Variants in CNTN4 observed in about 807,000 individuals in gnomAD.
CNTN4 encodes the protein contactin 4, also known as contactin-4.
In CNTN4, 77 loss-of-function variants were observed where a neutral mutation model predicts 122.5. That is an observed-to-expected ratio of 0.63 (90% CI 0.52 to 0.76). The LOEUF (loss-of-function observed/expected upper bound fraction) is 0.76. CNTN4 is among the 30% of genes least tolerant of loss of function. The probability of loss-of-function intolerance (pLI) is 0.00; values close to 1 mark genes in which losing one functional copy is unlikely to be tolerated. For synonymous variants in CNTN4, 512 were observed against 447.0 expected, an observed-to-expected ratio of 1.15 and a Z score of -1.83; for missense variants, 1,256 against 1,259.1, an observed-to-expected ratio of 1.00 and a Z score of 0.04.
intron 2 of CNTN4, among the ~76,000 whole-genome samples, chr3:2,261,323 A>G (rs942742259): frequency 1.3e-5 from 2 of 152,178 alleles, no homozygotes; most frequent in African/African-American, 4.8e-5. Flanking sequence ...TGGTTTCTCT[A>G]TTACTTACAG....
chr3:2,620,218 G>A (rs1051133531), intron 4 of CNTN4, among the ~76,000 whole-genome samples: 1 of 152,184 alleles, frequency 6.6e-6, no homozygotes, highest in African/African-American at 2.4e-5. Flanking sequence ...TAGGCATTCA[G>A]GCTGGAGGCA....
At chr3:2,172,480 A>T (rs1454249750) in intron 2 of CNTN4, among the ~76,000 whole-genome samples, 2 of 152,122 alleles carry the variant, frequency 1.3e-5, no homozygotes, top group African/African-American at 4.8e-5. Context: ...GCTGCAACAA[A>T]ATCCCGGAAA....
intron 2 of CNTN4, among the ~76,000 whole-genome samples, chr3:2,218,939 T>C (rs544706559): frequency 6.6e-6 from 1 of 152,306 alleles, no homozygotes; most frequent in Non-Finnish European, 1.5e-5. Context: ...GCATGTGAGA[T>C]GTGAGGAGCA....
intron 13 of CNTN4, among the ~76,000 whole-genome samples, chr3:2,960,641 T>C (rs924817097): frequency 6.6e-6 from 1 of 152,192 alleles, no homozygotes; most frequent in Non-Finnish European, 1.5e-5. Context: ...AAGTTCATTA[T>C]ATGAAAAACG....
chr3:2,257,846 G>A (rs999496559), intron 2 of CNTN4, among the ~76,000 whole-genome samples: 3 of 152,016 alleles, frequency 2.0e-5, no homozygotes, highest in Admixed American at 6.6e-5. Context: ...GGCCGATCAC[G>A]AGGTCAGGAG....
chr3:2,107,475 G>A (rs56296994), intron 2 of CNTN4, among the ~76,000 whole-genome samples: 285 of 151,922 alleles, frequency 1.9e-3, no homozygotes, highest in Non-Finnish European at 3.4e-3. Context: ...CTTATAAAAC[G>A]ATCAGATCTC....
intron 3 of CNTN4, among the ~76,000 whole-genome samples, chr3:2,505,576 G>A (rs1212314063): frequency 6.6e-6 from 1 of 152,118 alleles, no homozygotes; most frequent in African/African-American, 2.4e-5. Context: ...AAATTGCAAA[G>A]ACCTACATAA....
At chr3:2,594,057 T>G (rs1001229700) in intron 4 of CNTN4, among the ~76,000 whole-genome samples, 8 of 152,162 alleles carry the variant, frequency 5.3e-5, no homozygotes, top group Non-Finnish European at 1.2e-4. Context: ...GCATGAAAAT[T>G]TGCCTGCCTG....
chr3:2,528,466 A>G (rs1343874503), intron 3 of CNTN4, among the ~76,000 whole-genome samples: 1 of 152,174 alleles, frequency 6.6e-6, no homozygotes, highest in South Asian at 2.1e-4. Flanking sequence ...AAACAACTAG[A>G]TGCTAAAATA....
At chr3:2,567,103 T>C (rs552522236) in intron 3 of CNTN4, among the ~76,000 whole-genome samples, 1 of 147,280 alleles carries the variant, frequency 6.8e-6, no homozygotes, top group Non-Finnish European at 1.5e-5. Flanking sequence ...TTTCTTTTTT[T>C]CAGACGGAGT....
chr3:2,730,130 G>T (rs1576595145), intron 4 of CNTN4, among the ~76,000 whole-genome samples: 1 of 152,020 alleles, frequency 6.6e-6, no homozygotes, highest in African/African-American at 2.4e-5. Context: ...GTTTTTTGTG[G>T]GGGGTGGCAG....
intron 13 of CNTN4, among the ~76,000 whole-genome samples, chr3:2,955,518 A>G (rs2094790559): frequency 6.6e-6 from 1 of 152,232 alleles, no homozygotes; most frequent in African/African-American, 2.4e-5. Context: ...CCAGAAGGAC[A>G]GAGTGAGAAT....
chr3:2,568,971 C>G (rs575636159), intron 3 of CNTN4, among the ~76,000 whole-genome samples: 8 of 152,272 alleles, frequency 5.3e-5, no homozygotes, highest in South Asian at 2.1e-4. Context: ...TGACATTTCT[C>G]TCACAAAATT....
rs180986605 is a variant in CNTN4, at chr3:2,427,377, C to A, written c.-89+88144C>A. The stretch of plus-strand genomic sequence containing the variant: ...GTTGCTCAGTTTCCATGTAGTTGAG[C>A]AGTTTTGAGTGAGTTTCTTAATCCT... On this transcript the variant is annotated intron_variant, in intron 3 of 24. Coordinates refer to ENST00000418658, the MANE Select transcript of CNTN4 (RefSeq NM_175607.3). Among the ~76,000 whole-genome samples the A allele has an allele frequency of 4.8e-3, 733 of 152,210 alleles. 7 individuals carry two copies. Among genetic ancestry groups the A allele is most frequent in the African/African-American group, 0.016 (671 of 41,530 alleles).
intron 2 of CNTN4, among the ~76,000 whole-genome samples, chr3:2,103,276 A>AT (rs1234621524): frequency 2.6e-5 from 4 of 152,054 alleles, no homozygotes; most frequent in Non-Finnish European, 1.5e-5. Context: ...TGCCAAGAGA[A>AT]TTTTTTAAAA....
rs376299852 is a variant in CNTN4 at position 2,575,569 on chromosome 3, TACTA to T, written c.55+4015_55+4018del. Reference sequence around the variant, plus strand: ...ATACACTTAGACCTTAGGGCTTTTATACTAACTTTCTTTTGTCAAGAATGCTCTT... The same window carrying T: ...ATACACTTAGACCTTAGGGCTTTTATACTTTCTTTTGTCAAGAATGCTCTT... On this transcript the variant is annotated intron_variant, in intron 4 of 24. Transcript: ENST00000418658. Among the ~76,000 whole-genome samples the T allele has an allele frequency of 4.2e-3, 644 of 152,254 alleles. 4 individuals carry two copies. Among genetic ancestry groups the T allele is most frequent in the Middle Eastern group, 0.037 (11 of 294 alleles).
intron 12 of CNTN4, among the ~76,000 whole-genome samples, chr3:2,915,929 A>G (rs1014278286): frequency 4.6e-5 from 7 of 152,230 alleles, no homozygotes; most frequent in African/African-American, 1.7e-4. Context: ...AGCCAGTCAC[A>G]AAAAGCAAAT....
intron 14 of CNTN4, among the ~76,000 whole-genome samples, chr3:3,020,786 G>A (rs943442129): frequency 1.3e-5 from 2 of 152,168 alleles, no homozygotes. Context: ...TCACATATTT[G>A]AGGACTGTTG....
Position 3,026,113 on chromosome 3 carries a change from G to C in CNTN4, c.1498G>C (p.Val500Leu). The C allele has an allele frequency of 1.2e-6, 2 of 1,613,162 alleles. No homozygotes were observed. Among genetic ancestry groups the C allele is most frequent in the Non-Finnish European group, 1.7e-6 (2 of 1,179,356 alleles). ...GNLVVKDPTR[V>L]MVPPSSMDVT... ...TTTTAACTCTCCAGATCCAACAAGG[G>C]TAATGGTACCCCCTTCCAGTATGGA... Residue 500 changes from valine to leucine, a missense_variant, in exon 15 of 25, where the codon GTA becomes CTA. By Grantham distance (32) the Val-to-Leu change is conservative (BLOSUM62 1). Transcript: ENST00000418658.
Sources: gnomAD v4.1 joint callset for allele counts (sites outside exome capture counted in the v4.1 genomes callset) on GRCh38, gnomAD v4.1.1 for gene constraint, MANE v1.5 for transcripts, NCBI Gene and HGNC (gene_info 2026-07-23, HGNC 2026-07-21) for gene names.